The following CARMIL2 variants were observed in gnomAD, a reference collection of about 807,000 sequenced individuals.
The protein encoded by CARMIL2 is capping protein, Arp2/3 and myosin-I linker protein 2.
CARMIL2 carries 96 observed loss-of-function variants against 173.3 expected under a neutral mutation model. That is an observed-to-expected ratio of 0.55 (90% confidence interval 0.47 to 0.66). CARMIL2 has a LOEUF of 0.66. Ranked by LOEUF, CARMIL2 falls within the 30% of genes least tolerant of loss-of-function variation. The pLI, the probability that CARMIL2 is intolerant of heterozygous loss-of-function variation, is 0.00. For synonymous variants in CARMIL2, 830 were observed against 817.1 expected (o/e 1.02, Z -0.27); for missense variants, 1,771 against 1,906.7 (o/e 0.93, Z 1.33).
In CARMIL2 at chr16:67,646,319, T is replaced by C. The variant is rs2052592668; in HGVS notation, c.374+9T>C. ...CCTCGCTCGACCCTTGGGTGAGGCCTGGCAAATTCGAGGGGCTGGCAGGGG... is the reference window on the plus strand; with the variant it reads ...CCTCGCTCGACCCTTGGGTGAGGCCCGGCAAATTCGAGGGGCTGGCAGGGG... On this transcript the variant is annotated intron_variant, in intron 5 of 37. Transcript: ENST00000334583. The surrounding 1 kb of genome is among the most constrained non-coding windows in gnomAD (Gnocchi z 4.6). 1 of 1,611,784 alleles carries C rather than the reference T, an allele frequency of 6.2e-7. No individual in the cohort carries two copies. The highest frequency in any genetic ancestry group is 8.5e-7 in the Non-Finnish European group (1 of 1,178,594).
At position 67,647,932 on chromosome 16, in the gene CARMIL2, G is replaced by A; in HGVS notation, c.1045G>A (p.Ala349Thr). The change falls in exon 13 of 38, where the codon GCG becomes ACG. Residue 349 changes from alanine to threonine, a missense_variant. This residue lies in a region of CARMIL2 where 944 missense variants were observed against 975.6 expected (regional missense o/e 0.97). Transcript: ENST00000334583. Reference sequence around the variant, plus strand: ...CCTGGACCTTTCTGGGAATCCTGGGGCGCTGGGGGCCTCCGAGGACAGTGG... The same window carrying A: ...CCTGGACCTTTCTGGGAATCCTGGGACGCTGGGGGCCTCCGAGGACAGTGG... ...THLDLSGNPG[A>T]LGASEDSGGL... The A allele has an allele frequency of 4.3e-6, 7 of 1,610,166 alleles. No homozygotes were observed. The highest frequency in any genetic ancestry group is 5.9e-6 in the Non-Finnish European group (7 of 1,178,088).
rs2052598850 is a variant in CARMIL2, at chr16:67,646,610, C to T, written c.466+93C>T. 6.4e-7 allele frequency: 1 copy of T among 1,561,270 alleles called. No homozygotes were observed. The highest frequency in any genetic ancestry group is 1.1e-5 in the South Asian group (1 of 89,644). ...TGGGGGGGCCCCAAACTGAACAGAG[C>T]CATTCAGGTCCCAGCCACCACCTAG... is the stretch of plus-strand genomic sequence containing the variant. On this transcript the variant is annotated intron_variant, in intron 6 of 37. Coordinates refer to ENST00000334583, the MANE Select transcript of CARMIL2 (RefSeq NM_001013838.3). This position sits in a 1 kb window ranked among gnomAD's most constrained non-coding sequence, Gnocchi z 4.6.
At position 67,648,545 on chromosome 16, in the gene CARMIL2, C is replaced by T; in HGVS notation, c.1439+43C>T. 1.4e-6 allele frequency: 2 copies of T among 1,457,732 alleles called. No individual in the cohort carries two copies. Among genetic ancestry groups the T allele is most frequent in the South Asian group, 2.7e-5 (2 of 75,004 alleles). 90.3% of individuals were successfully genotyped at this position (1,457,732 alleles called of 1,614,324 possible). On this transcript the variant is annotated intron_variant, in intron 15 of 37. Coordinates refer to ENST00000334583, the MANE Select transcript of CARMIL2 (RefSeq NM_001013838.3). This position sits in a 1 kb window ranked among gnomAD's most constrained non-coding sequence, Gnocchi z 6.1. ...GCCACGCCCCCGCGGGCGCTCCCAC[C>T]CTGCCCTGGCCTTCGCCCCTCCCCG...
chr16:67,649,281 G>A lies in CARMIL2; in HGVS notation c.1716G>A (p.Arg572=). The A allele has an allele frequency of 1.2e-6, 2 of 1,613,214 alleles. No individual in the cohort carries two copies. The highest frequency in any genetic ancestry group is 4.5e-5 in the East Asian group (2 of 44,862). ...CKETLDDVLH[R]IVQLMQDDDC... is the part of the protein sequence containing the mutation. ...AGACCCTGGACGACGTCCTGCACCG[G>A]ATTGTCCAGCTCATGCAGGACGACG... The change falls in exon 19 of 38, where the codon CGG becomes CGA. Residue 572 remains arginine, a synonymous_variant. Coordinates refer to ENST00000334583, the MANE Select transcript of CARMIL2 (RefSeq NM_001013838.3). The surrounding 1 kb of genome is among the most constrained non-coding windows in gnomAD (Gnocchi z 6.7).
At position 67,657,543 on chromosome 16, in the gene CARMIL2, ATTATT is replaced by A; in HGVS notation, c.*31_*35del. ...ATCCTCTCCTCTCCTGCCGCATGAG[ATTATT>A]TTATTAAAAAACTCAAAGGAAGCAG... On this transcript the variant is annotated 3_prime_UTR_variant, in exon 38 of 38. Transcript: ENST00000334583. The surrounding 1 kb of genome is among the most constrained non-coding windows in gnomAD (Gnocchi z 4.5). 1 of 1,613,738 alleles carries A rather than the reference ATTATT, an allele frequency of 6.2e-7. No individual in the cohort carries two copies. Among genetic ancestry groups the A allele is most frequent in the Non-Finnish European group, 8.5e-7 (1 of 1,179,746 alleles).
In CARMIL2 at chr16:67,652,966, C is replaced by T; in HGVS notation, c.2885-53C>T. 2 of 1,024,658 alleles carry T rather than the reference C, an allele frequency of 2.0e-6. No individual in the cohort carries two copies. Among genetic ancestry groups the T allele is most frequent in the Non-Finnish European group, 2.6e-6 (2 of 783,898 alleles). The allele number at this position is 1,024,658 out of a possible 1,614,324, so 63.5% of individuals were successfully genotyped here. On this transcript the variant is annotated intron_variant, in intron 28 of 37. Transcript: ENST00000334583. The surrounding 1 kb of genome is among the most constrained non-coding windows in gnomAD (Gnocchi z 4.7). ...GTCCCCCGCCGCCCTAGCGCCTCCGCCGCCACCTCCCCGGGCTCGGCGCTC... is the reference window on the plus strand; with the variant it reads ...GTCCCCCGCCGCCCTAGCGCCTCCGTCGCCACCTCCCCGGGCTCGGCGCTC...
rs1382218489 is a variant in CARMIL2 at position 67,652,164 on chromosome 16, C to T, written c.2677-35C>T. 4 of 1,606,550 alleles carry T rather than the reference C, an allele frequency of 2.5e-6. No individual in the cohort carries two copies. The African/African-American group carries it at 5.3e-5, about 21-fold the overall frequency. On this transcript the variant is annotated intron_variant, in intron 26 of 37. Transcript: ENST00000334583. This position sits in a 1 kb window ranked among gnomAD's most constrained non-coding sequence, Gnocchi z 4.7. ...AGCATCAATGGGATCATGGCTGAGGCCCTACCTGCCATCTTTGGCTGCTTG... is the reference window on the plus strand; with the variant it reads ...AGCATCAATGGGATCATGGCTGAGGTCCTACCTGCCATCTTTGGCTGCTTG...
At chr16:67,645,380 A>C in intron 1 of CARMIL2, 94 bp downstream of exon 1, 1 of 1,437,948 alleles carries the variant, frequency 7.0e-7, no homozygotes, top group Non-Finnish European at 9.6e-7. Context: ...GCCTGGTCAG[A>C]GGTCCTCCCT....
In CARMIL2 at chr16:67,651,268, G is replaced by A; in HGVS notation, c.2266G>A (p.Val756Met). 3 of 1,613,590 alleles carry A rather than the reference G, an allele frequency of 1.9e-6. No homozygotes were observed. The highest frequency in any genetic ancestry group is 2.2e-5 in the South Asian group (2 of 91,078). The change falls in exon 23 of 38, where the codon GTG (valine) becomes ATG (methionine). Residue 756 changes from valine to methionine, a missense_variant. Transcript: ENST00000334583. The surrounding 1 kb of genome is among the most constrained non-coding windows in gnomAD (Gnocchi z 4.2). ...CGAGPQGEAA[V>M]RQAEDAIQNA... ...GGCTGGGCCCCAGGGTGAAGCCGCT[G>A]TGCGCCAGGCCGAGGATGCCATCCA...
rs372932175 is a variant in CARMIL2, at chr16:67,652,479, G to A, written c.2825G>A (p.Ser942Asn). Reference protein sequence around the residue: ...EKEEEKEKDDSPPQKWPELSH... With the variant: ...EKEEEKEKDDNPPQKWPELSH... ...TTGTGCCCTCCCCACCAGGATGACA[G>A]TCCTCCACAGAAATGGCCTGAGCTC... is the stretch of plus-strand genomic sequence containing the variant. The change falls in exon 28 of 38, where the codon AGT becomes AAT. Residue 942 changes from serine to asparagine, a missense_variant. Physicochemically the swap from Ser to Asn is conservative, Grantham distance 46 (BLOSUM62 1). Around this residue, in one of 3 missense-constraint regions of CARMIL2, gnomAD observed 817 missense variants for 903.5 expected, o/e 0.90. Coordinates refer to ENST00000334583, the MANE Select transcript of CARMIL2 (RefSeq NM_001013838.3). This position sits in a 1 kb window ranked among gnomAD's most constrained non-coding sequence, Gnocchi z 4.7. The A allele has an allele frequency of 4.2e-3, 6,839 of 1,613,574 alleles. 299 individuals are homozygous for A. The South Asian group carries it at 0.072, about 17-fold the overall frequency.
chr16:67,648,572 T>C lies in CARMIL2; in HGVS notation c.1439+70T>C. On this transcript the variant is annotated intron_variant, in intron 15 of 37. Transcript: ENST00000334583. The surrounding 1 kb of genome is among the most constrained non-coding windows in gnomAD (Gnocchi z 6.1). ...TGCCCTGGCCTTCGCCCCTCCCCGCTCCTGCTTCTGTCGCTCCCACAACCT... is the reference window on the plus strand; with the variant it reads ...TGCCCTGGCCTTCGCCCCTCCCCGCCCCTGCTTCTGTCGCTCCCACAACCT... 6 of 1,392,738 alleles carry C rather than the reference T, an allele frequency of 4.3e-6. No homozygotes were observed. The highest frequency in any genetic ancestry group is 2.6e-5 in the South Asian group (2 of 78,064). 86.3% of individuals were successfully genotyped at this position (1,392,738 alleles called of 1,614,324 possible).
In CARMIL2 at chr16:67,651,535, C is replaced by A. The variant is rs1038901981; in HGVS notation, c.2427+21C>A. 4 of 1,570,582 alleles carry A rather than the reference C, an allele frequency of 2.5e-6. No individual in the cohort carries two copies. The African/African-American group carries it at 5.4e-5, about 21-fold the overall frequency. ...TCCAGGTGAGAGGGTACTCCTGCCC[C>A]AACCCCACCTCCGTTTGCAGGTTTG... On this transcript the variant is annotated intron_variant, in intron 24 of 37. Transcript: ENST00000334583. This position sits in a 1 kb window ranked among gnomAD's most constrained non-coding sequence, Gnocchi z 4.2.
At chr16:67,655,894 G>A (rs1031935816) in intron 32 of CARMIL2, 137 bp from the exon 33 acceptor site, 2 of 859,754 alleles carry the variant, frequency 2.3e-6, no homozygotes, top group Admixed American at 2.7e-5. Flanking sequence ...GTTCTAAGAG[G>A]GCTGTACTGG....
At position 67,657,264 on chromosome 16, in the gene CARMIL2, C is replaced by G; in HGVS notation, c.4143C>G (p.Ser1381=). 1 of 1,613,830 alleles carries G rather than the reference C, an allele frequency of 6.2e-7. No individual in the cohort carries two copies. The highest frequency in any genetic ancestry group is 8.5e-7 in the Non-Finnish European group (1 of 1,179,846). The change falls in exon 37 of 38, where the codon TCC becomes TCG. Residue 1381 remains serine (S), a synonymous_variant. Transcript: ENST00000334583. This position sits in a 1 kb window ranked among gnomAD's most constrained non-coding sequence, Gnocchi z 4.5. ...PAERPLRLQR[S]PVLKRRPKLE... ...AACGGCCCCTGAGGCTGCAGCGCTC[C>G]CCCGTCCTCAAACGCAGGCCAAAAC...
Position 67,653,662 on chromosome 16 carries a change from T to C in CARMIL2, c.3120+408T>C, listed in dbSNP as rs370571128. Among the ~76,000 whole-genome samples, 719 of 152,072 alleles carry C rather than the reference T, an allele frequency of 4.7e-3. 22 individuals carry two copies. The highest frequency in any genetic ancestry group is 0.041 in the Admixed American group (625 of 15,284). ...CGTGTGGGGAGATGCGTGTGTGGGC[T>C]GCAAGCCCGCGGGGGCAGCGGGCAC... is the stretch of plus-strand genomic sequence containing the variant. On this transcript the variant is annotated intron_variant, in intron 29 of 37. Coordinates refer to ENST00000334583, the MANE Select transcript of CARMIL2 (RefSeq NM_001013838.3). The surrounding 1 kb of genome is among the most constrained non-coding windows in gnomAD (Gnocchi z 7.4).
Position 67,649,301 on chromosome 16 carries a change from A to G in CARMIL2, c.1736A>G (p.Asp579Gly). Residue 579 changes from aspartate (D) to glycine (G), a missense_variant, in exon 19 of 38, where the codon GAC becomes GGC. This residue lies in a region of CARMIL2 where 944 missense variants were observed against 975.6 expected (regional missense o/e 0.97). Coordinates refer to ENST00000334583, the MANE Select transcript of CARMIL2 (RefSeq NM_001013838.3). This position sits in a 1 kb window ranked among gnomAD's most constrained non-coding sequence, Gnocchi z 6.7. Reference protein sequence around the residue: ...VLHRIVQLMQDDDCPLQSLSV... With the variant: ...VLHRIVQLMQGDDCPLQSLSV... Reference sequence around the variant, plus strand: ...CACCGGATTGTCCAGCTCATGCAGGACGACGATTGTGTGAGTTCACGGGAC... The same window carrying G: ...CACCGGATTGTCCAGCTCATGCAGGGCGACGATTGTGTGAGTTCACGGGAC... The G allele has an allele frequency of 6.2e-7, 1 of 1,612,484 alleles. No homozygotes were observed. The highest frequency in any genetic ancestry group is 1.1e-5 in the South Asian group (1 of 91,066).
Position 67,651,544 on chromosome 16 carries a change from C to G in CARMIL2, c.2427+30C>G. ...GAGGGTACTCCTGCCCCAACCCCAC[C>G]TCCGTTTGCAGGTTTGACTCCCATC... On this transcript the variant is annotated intron_variant, in intron 24 of 37. Coordinates refer to ENST00000334583, the MANE Select transcript of CARMIL2 (RefSeq NM_001013838.3). The surrounding 1 kb of genome is among the most constrained non-coding windows in gnomAD (Gnocchi z 4.2). 1.3e-6 allele frequency: 2 copies of G among 1,565,416 alleles called. No individual in the cohort carries two copies. Among genetic ancestry groups the G allele is most frequent in the African/African-American group, 1.4e-5 (1 of 74,054 alleles).
In CARMIL2 at chr16:67,649,831, A is replaced by G. The variant is rs2052686186; in HGVS notation, c.1945A>G (p.Thr649Ala). 1 of 1,612,504 alleles carries G rather than the reference A, an allele frequency of 6.2e-7. No individual in the cohort carries two copies. The highest frequency in any genetic ancestry group is 8.5e-7 in the Non-Finnish European group (1 of 1,179,608). Residue 649 changes from threonine to alanine, a missense_variant, in exon 21 of 38, where the codon ACA (threonine) becomes GCA (alanine). Thr to Ala is a moderately conservative substitution (Grantham distance 58, BLOSUM62 0). Coordinates refer to ENST00000334583, the MANE Select transcript of CARMIL2 (RefSeq NM_001013838.3). The surrounding 1 kb of genome is among the most constrained non-coding windows in gnomAD (Gnocchi z 6.7). The stretch of plus-strand genomic sequence containing the variant: ...GTCTGTGGTCTGGGACCGGAACCAC[A>G]CATCTGCTTTGGGTCTGCTGGACGT... The part of the protein sequence containing the change: ...LRSVVWDRNH[T>A]SALGLLDVAQ...
rs1460081901 is a variant in CARMIL2, at chr16:67,653,424, G to A, written c.3120+170G>A. ...TTCTTCCTGACCACCCCCCACCCCA[G>A]GCCATGCCTGTGCGGGACCATGGGT... On this transcript the variant is annotated intron_variant, in intron 29 of 37. Coordinates refer to ENST00000334583, the MANE Select transcript of CARMIL2 (RefSeq NM_001013838.3). The surrounding 1 kb of genome is among the most constrained non-coding windows in gnomAD (Gnocchi z 7.4). 2.0e-5 allele frequency among the ~76,000 whole-genome samples: 3 copies of A among 152,054 alleles called. No homozygotes were observed. Among genetic ancestry groups the A allele is most frequent in the African/African-American group, 7.2e-5 (3 of 41,440 alleles).
Sources: allele counts gnomAD v4.1 joint callset (sites outside exome capture counted in the v4.1 genomes callset), GRCh38; gene constraint gnomAD v4.1.1; regional missense constraint gnomAD v4.1.1; non-coding constraint Gnocchi (gnomAD v3.1); transcripts MANE v1.5; gene names NCBI Gene and HGNC (gene_info 2026-07-23, HGNC 2026-07-21).